The following NELL1 variants were observed in gnomAD, a reference collection of about 807,000 sequenced individuals.
NELL1 encodes neural EGFL like 1, also known as protein kinase C-binding protein NELL1.
NELL1 carries 76 observed loss-of-function variants against 107.4 expected under a neutral mutation model. The ratio of observed to expected loss-of-function variants is 0.71; its 90% CI spans 0.59 to 0.86. The LOEUF (loss-of-function observed/expected upper bound fraction) is 0.86, where lower values mean the gene tolerates loss of function less well. Among genes scored for constraint, NELL1 ranks in the 40% least tolerant of loss-of-function variants. The pLI is 0.00. For synonymous variants in NELL1, 353 were observed against 341.2 expected (o/e 1.03, Z -0.38); for missense variants, 1,024 against 1,005.5 (o/e 1.02, Z -0.25).
At position 21,474,267 on chromosome 11, in the gene NELL1, C is replaced by G. The variant is rs143385326; in HGVS notation, c.1646-60107C>G. 5.1e-3 allele frequency among the ~76,000 whole-genome samples: 769 copies of G among 152,128 alleles called. 4 individuals are homozygous for G. Among genetic ancestry groups the G allele is most frequent in the African/African-American group, 0.018 (738 of 41,516 alleles). Reference sequence around the variant, plus strand: ...ATTTTCTGATTGGGGAATTCATCCCCCAGAGAGCCCTGTGGTTCTCACTCT... The same window carrying G: ...ATTTTCTGATTGGGGAATTCATCCCGCAGAGAGCCCTGTGGTTCTCACTCT... On this transcript the variant is annotated intron_variant, in intron 15 of 19. Coordinates refer to ENST00000357134, the MANE Select transcript of NELL1 (RefSeq NM_006157.5).
At chr11:21,284,809 A>T in intron 14 of NELL1, 1 of 331,392 alleles carries the variant, frequency 3.0e-6, no homozygotes, top group Non-Finnish European at 6.0e-6. Context: ...CTCAAACTCC[A>T]CTCCTATGCC....
intron 15 of NELL1, among the ~76,000 whole-genome samples, chr11:21,440,551 T>G (rs1853255903): frequency 6.6e-6 from 1 of 152,146 alleles, no homozygotes; most frequent in African/African-American, 2.4e-5. Flanking sequence ...CAAAATAAAT[T>G]TAGTGCAGGC....
At chr11:21,306,036 A>G (rs1849598228) in intron 14 of NELL1, among the ~76,000 whole-genome samples, 1 of 151,874 alleles carries the variant, frequency 6.6e-6, no homozygotes, top group South Asian at 2.1e-4. Context: ...GGCACTTGTT[A>G]GTGTTTTTAT....
At chr11:21,507,688 GA>G (rs561588638) in intron 15 of NELL1, among the ~76,000 whole-genome samples, 18 of 144,748 alleles carry the variant, frequency 1.2e-4, no homozygotes, top group South Asian at 6.6e-4. Flanking sequence ...GAATAAAAAA[GA>G]AAAAAATAAA....
chr11:21,133,936 G>T (rs1277053766), intron 13 of NELL1, among the ~76,000 whole-genome samples: 1 of 152,232 alleles, frequency 6.6e-6, no homozygotes, highest in Non-Finnish European at 1.5e-5. Context: ...GCTCTTGCAG[G>T]CTCCATGGGG....
intron 14 of NELL1, among the ~76,000 whole-genome samples, chr11:21,301,973 A>G (rs67638511): frequency 0.04 from 6,066 of 152,148 alleles, 132 homozygotes; most frequent in South Asian, 0.059. Flanking sequence ...ATAGGTGAAG[A>G]TATCTCAAAA....
At chr11:21,191,841 C>G (rs1306409650) in intron 13 of NELL1, among the ~76,000 whole-genome samples, 2 of 151,832 alleles carry the variant, frequency 1.3e-5, no homozygotes, top group African/African-American at 4.9e-5. Context: ...ATGTGAAAAG[C>G]AAATGAAATT....
At chr11:21,516,351 CAT>C (rs1855562147) in intron 15 of NELL1, among the ~76,000 whole-genome samples, 1 of 152,114 alleles carries the variant, frequency 6.6e-6, no homozygotes, top group Admixed American at 6.5e-5. Context: ...TTTGAGTGGG[CAT>C]ATGTTAGGTG....
intron 10 of NELL1, among the ~76,000 whole-genome samples, chr11:20,943,815 C>CAAA (rs1157725110): frequency 1.3e-5 from 2 of 152,148 alleles, no homozygotes; most frequent in African/African-American, 4.8e-5. Flanking sequence ...AAATAATTCT[C>CAAA]AATTCTGAAT....
intron 15 of NELL1, among the ~76,000 whole-genome samples, chr11:21,447,919 C>T (rs1205785184): frequency 6.6e-6 from 1 of 152,132 alleles, no homozygotes; most frequent in Non-Finnish European, 1.5e-5. Context: ...CTGCAATGAG[C>T]ATTTCTTCTT....
chr11:20,866,087 G>A lies in NELL1; in HGVS notation c.506+18334G>A, dbSNP rs1366785859. 3.3e-5 allele frequency among the ~76,000 whole-genome samples: 5 copies of A among 152,192 alleles called. No homozygotes were observed. In the South Asian group the frequency reaches 6.2e-4, roughly 19 times the overall value. On this transcript the variant is annotated intron_variant, in intron 4 of 19. Coordinates refer to ENST00000357134, the MANE Select transcript of NELL1 (RefSeq NM_006157.5). ...GCCTTCAAGGAAGAAGACAAAGAGT[G>A]TACAAATGTTATGTAAACTGTAATG...
intron 2 of NELL1, chr11:20,773,479 T>C (rs977262027): frequency 3.3e-5 from 5 of 151,986 alleles, no homozygotes; most frequent in Non-Finnish European, 7.4e-5. Context: ...CTTGATAAGA[T>C]GTGAAATTGG....
chr11:20,719,227 G>A (rs1451084428), intron 2 of NELL1, among the ~76,000 whole-genome samples: 5 of 152,106 alleles, frequency 3.3e-5, no homozygotes, highest in African/African-American at 1.2e-4. Flanking sequence ...TTTCTCTAGG[G>A]AGGACAAACA....
At chr11:21,019,979 G>A (rs147386810) in intron 12 of NELL1, among the ~76,000 whole-genome samples, 1 of 152,174 alleles carries the variant, frequency 6.6e-6, no homozygotes, top group East Asian at 1.9e-4. Context: ...TAAGAATTTA[G>A]ACTTTGCAGC....
At chr11:20,786,125 CG>C (rs1322062145) in intron 3 of NELL1, among the ~76,000 whole-genome samples, 2 of 149,680 alleles carry the variant, frequency 1.3e-5, no homozygotes, top group East Asian at 3.9e-4. Flanking sequence ...CCAAGAAGGG[CG>C]GATCACCTGA....
At position 21,291,819 on chromosome 11, in the gene NELL1, TA is replaced by T. The variant is rs1233380997; in HGVS notation, c.1549+62370del. ...CCCATCAGATAAACAGAACTGATGA[TA>T]AAAACCACATGATTATCTCAATAGA... On this transcript the variant is annotated intron_variant, in intron 14 of 19. Transcript: ENST00000357134. Among the ~76,000 whole-genome samples the T allele has an allele frequency of 5.9e-5, 9 of 152,128 alleles. No homozygotes were observed. The East Asian group carries it at 1.7e-3, about 30-fold the overall frequency.
In NELL1 at chr11:20,669,600, AGCCACCTCCCCCGCCGCC is replaced by A; in HGVS notation, c.-123_-106del. On this transcript the variant is annotated 5_prime_UTR_variant, in exon 1 of 20. Coordinates refer to ENST00000357134, the MANE Select transcript of NELL1 (RefSeq NM_006157.5). The surrounding 1 kb of genome is among the most constrained non-coding windows in gnomAD (Gnocchi z 4.4). ...GCGAGCGCAGCACCCGGCGCTGCCG[AGCCACCTCCCCCGCCGCC>A]CGCTAGCAAGTTTGGCGGCTCCAAG... 1.3e-6 allele frequency: 1 copy of A among 758,796 alleles called. No homozygotes were observed. The highest frequency in any genetic ancestry group is 2.2e-6 in the Non-Finnish European group (1 of 453,120). The allele number at this position is 758,796 out of a possible 1,614,324, so 47.0% of individuals were successfully genotyped here. A position where few individuals can be genotyped will look rare whatever the true frequency, so the allele number is the denominator to read the frequency against.
At chr11:21,282,455 G>T (rs1849019129) in intron 14 of NELL1, among the ~76,000 whole-genome samples, 2 of 148,474 alleles carry the variant, frequency 1.3e-5, no homozygotes, top group Admixed American at 1.3e-4. Context: ...CTCCAGCAGG[G>T]GCAACACAGT....
chr11:20,841,661 G>C (rs949579611), intron 3 of NELL1, among the ~76,000 whole-genome samples: 1 of 152,228 alleles, frequency 6.6e-6, no homozygotes, highest in African/African-American at 2.4e-5. Context: ...TTTAGCCAGA[G>C]GAAATCTTAC....
Sources: allele counts gnomAD v4.1 joint callset (sites outside exome capture counted in the v4.1 genomes callset), GRCh38; gene constraint gnomAD v4.1.1; non-coding constraint Gnocchi (gnomAD v3.1); transcripts MANE v1.5; gene names NCBI Gene and HGNC (gene_info 2026-07-23, HGNC 2026-07-21).